Variants in SANBR observed in about 807,000 individuals in gnomAD.
SANBR encodes SANT and BTB domain regulator of CSR.
In SANBR, 77 loss-of-function variants were observed where a neutral mutation model predicts 101.8. That is an observed-to-expected ratio of 0.76 (90% CI 0.63 to 0.91). The LOEUF (loss-of-function observed/expected upper bound fraction) is 0.91, where lower values mean the gene tolerates loss of function less well. Ranked by LOEUF, SANBR falls within the 40% of genes least tolerant of loss-of-function variation. SANBR has a pLI of 0.00. For missense variants in SANBR, 875 were observed against 853.0 expected (o/e 1.03, Z -0.32); for synonymous variants, 279 against 274.7 (o/e 1.02, Z -0.15).
chr2:61,065,938 C>G lies in SANBR; in HGVS notation c.-236C>G, dbSNP rs1223808394. The G allele has an allele frequency of 1.3e-5, 2 of 152,182 alleles. No homozygotes were observed. Among genetic ancestry groups the G allele is most frequent in the Non-Finnish European group, 2.9e-5 (2 of 68,144 alleles). 9.4% of individuals were successfully genotyped at this position (152,182 alleles called of 1,614,324 possible). On this transcript the variant is annotated 5_prime_UTR_variant, in exon 1 of 22. Coordinates refer to ENST00000402291, the MANE Select transcript of SANBR (RefSeq NM_001129993.3). Reference sequence around the variant, plus strand: ...GGCGCTGCGGACGGGGTTGCGGGCTCGGTAGCGGCAGCTTCAGGGCGCGAG... The same window carrying G: ...GGCGCTGCGGACGGGGTTGCGGGCTGGGTAGCGGCAGCTTCAGGGCGCGAG...
At chr2:61,112,888 G>T (rs1683901906) in intron 16 of SANBR, among the ~76,000 whole-genome samples, 1 of 152,146 alleles carries the variant, frequency 6.6e-6, no homozygotes, top group Non-Finnish European at 1.5e-5. Flanking sequence ...TTATTTAATA[G>T]CTAAGAAGTA....
intron 20 of SANBR, among the ~76,000 whole-genome samples, chr2:61,118,945 C>T (rs1196428472): frequency 6.6e-6 from 1 of 152,030 alleles, no homozygotes; most frequent in African/African-American, 2.4e-5. Context: ...ATCCATGGTC[C>T]ATAGGTCATC....
At chr2:61,107,063 G>C (rs1170193845) in intron 14 of SANBR, among the ~76,000 whole-genome samples, 1 of 151,898 alleles carries the variant, frequency 6.6e-6, no homozygotes. Context: ...GTTTTGCTGG[G>C]AGGCTGAGGT....
At chr2:61,121,377 G>GT in intron 21 of SANBR, 101 bp downstream of exon 21, 1 of 699,916 alleles carries the variant, frequency 1.4e-6, no homozygotes, top group Non-Finnish European at 2.4e-6. Context: ...TTTGAGTTTG[G>GT]TTTTATGTTT....
chr2:61,096,554 G>C (rs1274071890), intron 11 of SANBR, among the ~76,000 whole-genome samples: 1 of 152,120 alleles, frequency 6.6e-6, no homozygotes, highest in African/African-American at 2.4e-5. Flanking sequence ...AAACTCCTTA[G>C]ACAGTGCTTG....
chr2:61,109,676 T>TG (rs1683731748), intron 16 of SANBR, among the ~76,000 whole-genome samples: 1 of 139,252 alleles, frequency 7.2e-6, no homozygotes, highest in African/African-American at 2.8e-5. Context: ...GTTTTTTTTG[T>TG]GTTTGTTTTT....
At chr2:61,078,938 G>T (rs901687146) in intron 6 of SANBR, among the ~76,000 whole-genome samples, 3 of 151,832 alleles carry the variant, frequency 2.0e-5, no homozygotes, top group African/African-American at 4.8e-5. Flanking sequence ...ACTTGGGAGG[G>T]TGAGGCATGA....
intron 14 of SANBR, among the ~76,000 whole-genome samples, chr2:61,107,081 T>A (rs1172635519): frequency 3.3e-5 from 5 of 151,750 alleles, no homozygotes; most frequent in Admixed American, 3.3e-4. Context: ...GGTGGGAAGA[T>A]TGCTTAAGCC....
chr2:61,086,535 A>G (rs747415288), intron 8 of SANBR, among the ~76,000 whole-genome samples: 1 of 152,172 alleles, frequency 6.6e-6, no homozygotes, highest in East Asian at 1.9e-4. Flanking sequence ...CCAGTGAAGT[A>G]GAAAGAAAGG....
At chr2:61,134,059 G>T (rs1216214141) in intron 20 of SANBR, 14 of 1,570,106 alleles carry the variant, frequency 8.9e-6, no homozygotes, top group African/African-American at 1.4e-5. Context: ...ACATCATTTT[G>T]TTTAATCTCT....
chr2:61,066,964 G>A (rs1229589608), intron 1 of SANBR, among the ~76,000 whole-genome samples: 2 of 152,154 alleles, frequency 1.3e-5, no homozygotes, highest in African/African-American at 2.4e-5. Flanking sequence ...GATATTTTAT[G>A]AATGGGAGTG....
chr2:61,125,706 T>A (rs1684494571), downstream of SANBR, among the ~76,000 whole-genome samples: 1 of 152,226 alleles, frequency 6.6e-6, no homozygotes, highest in Admixed American at 6.5e-5. Flanking sequence ...GTGATGGTCC[T>A]AGTAGTTGCT....
At chr2:61,088,805 C>T (rs1332278354) in intron 10 of SANBR, 1 of 959,594 alleles carries the variant, frequency 1.0e-6, no homozygotes, top group Non-Finnish European at 1.2e-6. Flanking sequence ...AGGTGTGAGC[C>T]ACCGCTCCCA....
At chr2:61,087,933 A>G (rs1682530151) in intron 8 of SANBR, among the ~76,000 whole-genome samples, 1 of 152,072 alleles carries the variant, frequency 6.6e-6, no homozygotes, top group Admixed American at 6.5e-5. Context: ...TTATGGGAAA[A>G]TAGATGATTG....
At position 61,115,898 on chromosome 2, in the gene SANBR, T is replaced by A. The variant is rs977869862; in HGVS notation, c.1745-81T>A. 1.0e-5 allele frequency: 8 copies of A among 762,188 alleles called. No homozygotes were observed. In the African/African-American group the frequency reaches 1.4e-4, roughly 13 times the overall value. The allele number at this position is 762,188 out of a possible 1,614,324, so 47.2% of individuals were successfully genotyped here. ...TTTCTTAAAACAATGTTTTTCTTAA[T>A]GGTCTTATTGTTTAGAAGTAACAAG... is the stretch of plus-strand genomic sequence containing the variant. On this transcript the variant is annotated intron_variant, in intron 16 of 21. Transcript: ENST00000402291.
chr2:61,105,646 G>A (rs765691416), intron 13 of SANBR, among the ~76,000 whole-genome samples: 4 of 149,946 alleles, frequency 2.7e-5, no homozygotes, highest in Non-Finnish European at 4.4e-5. Context: ...GATTACAGGC[G>A]TGAGCCACTG....
chr2:61,108,135 T>C (rs1190869755), intron 14 of SANBR, among the ~76,000 whole-genome samples, 182 bp from the exon 15 acceptor site: 3 of 152,212 alleles, frequency 2.0e-5, no homozygotes, highest in Admixed American at 6.6e-5. Context: ...CACATCCTCC[T>C]CTAGCAGAGG....
At chr2:61,082,354 T>C (rs968698773) in intron 7 of SANBR, among the ~76,000 whole-genome samples, 1 of 152,158 alleles carries the variant, frequency 6.6e-6, no homozygotes, top group Non-Finnish European at 1.5e-5. Flanking sequence ...GAAGAATACA[T>C]GATTATCCTC....
intron 11 of SANBR, chr2:61,094,077 G>T (rs573856546): frequency 2.0e-6 from 2 of 983,830 alleles, no homozygotes; most frequent in Non-Finnish European, 2.4e-6. Flanking sequence ...TTCAGATTGG[G>T]ATTTTAAACT....
Sources: gnomAD v4.1 joint callset for allele counts (sites outside exome capture counted in the v4.1 genomes callset) on GRCh38, gnomAD v4.1.1 for gene constraint, MANE v1.5 for transcripts, NCBI Gene and HGNC (gene_info 2026-07-23, HGNC 2026-07-21) for gene names.